The following BICDL1 variants were observed in gnomAD, a reference collection of about 807,000 sequenced individuals.
The protein encoded by BICDL1 is BICD family-like cargo adapter 1.
BICDL1 carries 20 observed loss-of-function variants against 76.8 expected under a neutral mutation model. That is an observed-to-expected ratio of 0.26 (90% CI 0.18 to 0.38). BICDL1 has a LOEUF of 0.38. BICDL1 is among the 10% of genes least tolerant of loss of function. The pLI is 1.00. For missense variants in BICDL1, 700 were observed against 798.6 expected (o/e 0.88, Z 1.49); for synonymous variants, 383 against 337.1 (o/e 1.14, Z -1.49).
In BICDL1 at chr12:120,013,296, A is replaced by G. The variant is rs188504103; in HGVS notation, c.645+14560A>G. Among the ~76,000 whole-genome samples, 1,866 of 147,778 alleles carry G rather than the reference A, an allele frequency of 0.013. 89 individuals are homozygous for G. The East Asian group carries it at 0.14, about 11-fold the overall frequency. ...ACCTCTTCACTCCAGCCTGGGGGACAGAGCAAGACTCCATCTCAAAAAAAA... is the reference window on the plus strand; with the variant it reads ...ACCTCTTCACTCCAGCCTGGGGGACGGAGCAAGACTCCATCTCAAAAAAAA... On this transcript the variant is annotated intron_variant, in intron 2 of 9. Transcript: ENST00000548673.
At chr12:120,092,163 A>AGAG in intron 9 of BICDL1, 1 of 985,440 alleles carries the variant, frequency 1.0e-6, no homozygotes, top group African/African-American at 1.7e-5. Flanking sequence ...AGTCTTACCC[A>AGAG]GAGTCAGAAT....
intron 7 of BICDL1, among the ~76,000 whole-genome samples, chr12:120,077,800 G>A (rs1045078569): frequency 4.6e-5 from 3 of 65,592 alleles, no homozygotes; most frequent in Middle Eastern, 6.8e-3. Context: ...CCCCCAGCCC[G>A]CCCACCCTCA....
chr12:120,089,917 G>T, intron 8 of BICDL1, 34 bp from the exon 9 acceptor site: 1 of 1,611,028 alleles, frequency 6.2e-7, no homozygotes, highest in Non-Finnish European at 8.5e-7. Context: ...CTGGCACAAG[G>T]TGTCCATGTT....
chr12:120,008,593 A>G (rs758972374), intron 2 of BICDL1, among the ~76,000 whole-genome samples: 4 of 152,170 alleles, frequency 2.6e-5, no homozygotes, highest in Non-Finnish European at 5.9e-5. Flanking sequence ...CAGGATGGGT[A>G]GTCAATTGGA....
chr12:120,094,142 T>C lies in BICDL1; in HGVS notation c.*981T>C, dbSNP rs989432034. 2.3e-6 allele frequency: 1 copy of C among 440,564 alleles called. No homozygotes were observed. Among genetic ancestry groups the C allele is most frequent in the Non-Finnish European group, 4.6e-6 (1 of 216,792 alleles). The allele number at this position is 440,564 out of a possible 1,614,324, so 27.3% of individuals were successfully genotyped here. A position where few individuals can be genotyped will look rare whatever the true frequency, so the allele number is the denominator to read the frequency against. ...AGCCTCCAGATGCTGCCTGCCTGCC[T>C]GCAGAAGCCTGCAGTGGCTGCTGCT... On this transcript the variant is annotated 3_prime_UTR_variant, in exon 10 of 10. Coordinates refer to ENST00000548673, the MANE Select transcript of BICDL1 (RefSeq NM_001367886.1).
chr12:120,033,323 CAT>C (rs1952461629), intron 2 of BICDL1, among the ~76,000 whole-genome samples: 1 of 143,776 alleles, frequency 7.0e-6, no homozygotes, highest in Non-Finnish European at 1.5e-5. Flanking sequence ...ATGCCAATGA[CAT>C]GTTGAAGAAA....
At chr12:120,039,570 G>T (rs1353279490) in intron 2 of BICDL1, among the ~76,000 whole-genome samples, 1 of 146,540 alleles carries the variant, frequency 6.8e-6, no homozygotes, top group African/African-American at 2.6e-5. Flanking sequence ...CCCGGGAGGC[G>T]GAAGTTGCAG....
At chr12:120,036,100 T>C (rs1952525805) in intron 2 of BICDL1, among the ~76,000 whole-genome samples, 2 of 152,262 alleles carry the variant, frequency 1.3e-5, no homozygotes, top group Non-Finnish European at 2.9e-5. Flanking sequence ...TCACTGGTGA[T>C]GGTTTATAGG....
intron 2 of BICDL1, among the ~76,000 whole-genome samples, chr12:120,046,286 T>A (rs936128734): frequency 5.9e-5 from 9 of 152,332 alleles, no homozygotes; most frequent in Non-Finnish European, 1.2e-4. Context: ...CTCTTTAAGG[T>A]CTGCTCTTAC....
intron 2 of BICDL1, among the ~76,000 whole-genome samples, chr12:120,016,212 C>T (rs1419792095): frequency 6.6e-6 from 1 of 152,168 alleles, no homozygotes; most frequent in African/African-American, 2.4e-5. Flanking sequence ...GAGGTTCACT[C>T]GTGTTATAGC....
At chr12:120,017,491 A>G (rs1403428884) in intron 2 of BICDL1, among the ~76,000 whole-genome samples, 1 of 152,200 alleles carries the variant, frequency 6.6e-6, no homozygotes, top group Non-Finnish European at 1.5e-5. Context: ...ATGAAAATAT[A>G]TCCCAAGGCA....
chr12:120,058,590 CTTTTT>C (rs1039285394), intron 2 of BICDL1, among the ~76,000 whole-genome samples: 4 of 136,144 alleles, frequency 2.9e-5, no homozygotes, highest in Non-Finnish European at 1.6e-5. Flanking sequence ...AAATTTTTTT[CTTTTT>C]TTTTTTTTTT....
At chr12:119,993,656 G>A (rs1594084548) in intron 1 of BICDL1, among the ~76,000 whole-genome samples, 1 of 143,880 alleles carries the variant, frequency 7.0e-6, no homozygotes, top group Non-Finnish European at 1.5e-5. Context: ...TTGCTCTGTT[G>A]CCCAGGCTGG....
intron 2 of BICDL1, among the ~76,000 whole-genome samples, chr12:120,031,514 C>T (rs1178924739): frequency 6.6e-6 from 1 of 152,122 alleles, no homozygotes; most frequent in Non-Finnish European, 1.5e-5. Context: ...CACATCTATC[C>T]ATCTGTATTC....
intron 1 of BICDL1, among the ~76,000 whole-genome samples, chr12:119,996,416 C>T (rs2138597008): frequency 6.6e-6 from 1 of 152,084 alleles, no homozygotes; most frequent in South Asian, 2.1e-4. Context: ...TTAGACACAC[C>T]CCAGATGTGA....
intron 9 of BICDL1, 57 bp downstream of exon 9, chr12:120,090,128 CCAGG>C: frequency 6.3e-7 from 1 of 1,596,542 alleles, no homozygotes; most frequent in South Asian, 1.1e-5. Context: ...ATCTCTGAAC[CCAGG>C]CAGAGTGTAA....
intron 2 of BICDL1, among the ~76,000 whole-genome samples, chr12:120,039,409 G>A (rs891106027): frequency 6.6e-6 from 1 of 151,828 alleles, no homozygotes; most frequent in African/African-American, 2.4e-5. Flanking sequence ...GGAGGCCAAG[G>A]TGGGCGGATT....
rs192395776 is a variant in BICDL1, at chr12:120,069,355, C to T, written c.910-2267C>T. On this transcript the variant is annotated intron_variant, in intron 4 of 9. Coordinates refer to ENST00000548673, the MANE Select transcript of BICDL1 (RefSeq NM_001367886.1). ...TGGCAAAACTGTGGACATTTCTGCC[C>T]GTGAGAGTTAGAACTGAAGCTGTGG... is the stretch of plus-strand genomic sequence containing the variant. Among the ~76,000 whole-genome samples the T allele has an allele frequency of 1.7e-3, 262 of 152,218 alleles. 1 individual carries two copies. The highest frequency in any genetic ancestry group is 5.5e-3 in the African/African-American group (228 of 41,522).
At position 120,074,543 on chromosome 12, in the gene BICDL1, A is replaced by AACTGAG; in HGVS notation, c.1410_1415dup (p.Leu471_Arg472dup). On this transcript the variant is annotated inframe_insertion, in exon 7 of 10. Coordinates refer to ENST00000548673, the MANE Select transcript of BICDL1 (RefSeq NM_001367886.1). ...GAGCTCATGGAGGGAGAGAGGGGTA[A>AACTGAG]ACTGAGGCAAAGCCTAGAAGAGCTG... 7.9e-7 allele frequency: 1 copy of AACTGAG among 1,273,162 alleles called. No homozygotes were observed. The highest frequency in any genetic ancestry group is 1.0e-6 in the Non-Finnish European group (1 of 980,370). The allele number at this position is 1,273,162 out of a possible 1,614,324, so 78.9% of individuals were successfully genotyped here.
Sources: gnomAD v4.1 joint callset for allele counts (sites outside exome capture counted in the v4.1 genomes callset) on GRCh38, gnomAD v4.1.1 for gene constraint, MANE v1.5 for transcripts, NCBI Gene and HGNC (gene_info 2026-07-23, HGNC 2026-07-21) for gene names.